The following CATSPERG variants were observed in gnomAD, a reference collection of about 807,000 sequenced individuals.
The protein encoded by CATSPERG is catsper channel auxiliary subunit gamma.
A neutral mutation model predicts 145.0 loss-of-function variants in CATSPERG; 115 were observed. That is an observed-to-expected ratio of 0.79 (90% CI 0.68 to 0.93). CATSPERG has a LOEUF of 0.93. CATSPERG is among the 40% of genes least tolerant of loss of function. The pLI, the probability that CATSPERG is intolerant of heterozygous loss-of-function variation, is 0.00. For synonymous variants in CATSPERG, 588 were observed against 589.0 expected (o/e 1.00, Z 0.02); for missense variants, 1,296 against 1,490.1 (o/e 0.87, Z 2.14).
Position 38,358,284 on chromosome 19 carries a change from A to G in CATSPERG, c.1322A>G (p.Asp441Gly). 6.2e-7 allele frequency: 1 copy of G among 1,614,158 alleles called. No homozygotes were observed. Among genetic ancestry groups the G allele is most frequent in the Non-Finnish European group, 8.5e-7 (1 of 1,180,006 alleles). The change falls in exon 12 of 29, where the codon GAT becomes GGT. Residue 441 changes from aspartate (D) to glycine (G), a missense_variant. Transcript: ENST00000409235. The part of the protein sequence containing the change: ...FQVVSYNTAS[D>G]DLELLYHIPE... ...GTGTTCTCCCCACCTGTAGCTAGTG[A>G]TGACCTGGAACTTCTCTACCACATC...
chr19:38,344,173 C>T (rs1293448362), intron 5 of CATSPERG, 54 bp downstream of exon 5: 5 of 1,549,440 alleles, frequency 3.2e-6, no homozygotes, highest in Non-Finnish European at 4.4e-6. Context: ...TTCCTCACCC[C>T]AGGGTCCCCA....
intron 3 of CATSPERG, among the ~76,000 whole-genome samples, chr19:38,342,760 C>A (rs113669289): frequency 4.5e-4 from 68 of 152,114 alleles, no homozygotes; most frequent in Admixed American, 1.2e-3. Flanking sequence ...GTGCCGCCTT[C>A]TCTCGGGGAC....
Position 38,368,063 on chromosome 19 carries a change from C to T in CATSPERG, c.2946C>T (p.Ile982=), listed in dbSNP as rs147054256. ...GCCTGCACAGGACCAACAGCCTTAT[C>T]TGGACCACGAGGACCACAAGGACCA... ...NSPLDKTNSL[I]WTTRTTRTTK... is the part of the protein sequence containing the mutation. The change falls in exon 26 of 29, where the codon ATC becomes ATT. Residue 982 remains isoleucine, a synonymous_variant. Transcript: ENST00000409235. 158 of 1,614,144 alleles carry T rather than the reference C, an allele frequency of 9.8e-5. No homozygotes were observed. In the African/African-American group the frequency reaches 1.8e-3, roughly 18 times the overall value.
chr19:38,337,176 C>T, intron 1 of CATSPERG, 45 bp from the exon 2 acceptor site: 1 of 1,538,036 alleles, frequency 6.5e-7, no homozygotes, highest in East Asian at 2.5e-5. Context: ...AAGTGGGCTC[C>T]AGAGAGCTGT....
Position 38,346,591 on chromosome 19 carries a change from T to A in CATSPERG, c.811T>A (p.Phe271Ile), listed in dbSNP as rs1272575631. The stretch of plus-strand genomic sequence containing the variant: ...GATGACTGACACCAGCTTCAAGGAC[T>A]TCTCTCTCGTGGAGGTGAACGGTGT... ...VLMTDTSFKD[F>I]SLVELSIDSC... Residue 271 changes from phenylalanine (F) to isoleucine (I), a missense_variant, in exon 7 of 29, where the codon TTC becomes ATC. Physicochemically the swap from Phe to Ile is conservative, Grantham distance 21. Transcript: ENST00000409235. The A allele has an allele frequency of 1.3e-6, 2 of 1,551,150 alleles. No homozygotes were observed. The highest frequency in any genetic ancestry group is 2.0e-5 in the Admixed American group (1 of 50,974).
chr19:38,344,131 C>G lies in CATSPERG; in HGVS notation c.596+12C>G. 6.4e-7 allele frequency: 1 copy of G among 1,551,504 alleles called. No homozygotes were observed. The highest frequency in any genetic ancestry group is 1.7e-4 in the Middle Eastern group (1 of 5,982). On this transcript the variant is annotated intron_variant, in intron 5 of 28. Transcript: ENST00000409235. Reference sequence around the variant, plus strand: ...ATTCCAGATAAAAGGTACCCTTTCCCAAGACGGGGGCTGGGGTGGACTCCG... The same window carrying G: ...ATTCCAGATAAAAGGTACCCTTTCCGAAGACGGGGGCTGGGGTGGACTCCG...
chr19:38,354,861 C>T lies in CATSPERG; in HGVS notation c.1135+14C>T, dbSNP rs147770618. On this transcript the variant is annotated intron_variant, in intron 9 of 28. Coordinates refer to ENST00000409235, the MANE Select transcript of CATSPERG (RefSeq NM_021185.5). Reference sequence around the variant, plus strand: ...GGACCATCAGAGGTAAGGGTGTGGGCCTCTGTCAGCCCCAGGGACCCCTCC... The same window carrying T: ...GGACCATCAGAGGTAAGGGTGTGGGTCTCTGTCAGCCCCAGGGACCCCTCC... 5.7e-4 allele frequency: 914 copies of T among 1,612,154 alleles called. 2 individuals carry two copies. The African/African-American group carries it at 0.011, about 19-fold the overall frequency.
At chr19:38,358,126 T>A (rs2145094864) in intron 11 of CATSPERG, 152 bp from the exon 12 acceptor site, 1 of 688,496 alleles carries the variant, frequency 1.5e-6, no homozygotes, top group Non-Finnish European at 2.5e-6. Context: ...AGGGGGGAAA[T>A]AAAAGAAAAG....
chr19:38,367,384 C>T (rs1266863969), intron 23 of CATSPERG, 72 bp downstream of exon 23: 2 of 1,570,720 alleles, frequency 1.3e-6, no homozygotes. Flanking sequence ...TCTCCCTCCC[C>T]ATTCCTCTCC....
At chr19:38,343,486 C>A in intron 3 of CATSPERG, 94 bp from the exon 4 acceptor site, 1 of 1,161,812 alleles carries the variant, frequency 8.6e-7, no homozygotes, top group Non-Finnish European at 1.2e-6. Context: ...TGCCCCCGGA[C>A]AGCCCAGGAG....
Position 38,344,007 on chromosome 19 carries a change from G to A in CATSPERG, c.484G>A (p.Glu162Lys). ...CCTCCCTGCAGAGCCATGCATGGCA[G>A]AAGAAGTGTGTAGCATGAGCTGGTA... is the stretch of plus-strand genomic sequence containing the variant. ...PFRSKEPCMA[E>K]EVCSMSWYTP... Residue 162 changes from glutamate to lysine, a missense_variant, in exon 5 of 29, where the codon GAA becomes AAA. Glu to Lys is a moderately conservative substitution (Grantham distance 56). Coordinates refer to ENST00000409235, the MANE Select transcript of CATSPERG (RefSeq NM_021185.5). 6.4e-7 allele frequency: 1 copy of A among 1,550,802 alleles called. No homozygotes were observed. The highest frequency in any genetic ancestry group is 2.4e-5 in the East Asian group (1 of 40,920).
intron 11 of CATSPERG, 161 bp from the exon 12 acceptor site, chr19:38,358,117 G>C (rs768620439): frequency 3.0e-6 from 2 of 656,382 alleles, no homozygotes; most frequent in Non-Finnish European, 5.3e-6. Context: ...TCCTGTCTCA[G>C]GGGGGAAATA....
intron 26 of CATSPERG, 29 bp downstream of exon 26, chr19:38,368,166 C>A: frequency 9.4e-6 from 15 of 1,600,644 alleles, no homozygotes; most frequent in Non-Finnish European, 1.3e-5. Flanking sequence ...CCCTCTTGGC[C>A]CCCATCTGTC....
intron 3 of CATSPERG, among the ~76,000 whole-genome samples, chr19:38,340,353 C>G (rs1261217398): frequency 6.7e-6 from 1 of 149,070 alleles, no homozygotes; most frequent in Non-Finnish European, 1.5e-5. Context: ...CAGGGTCTCA[C>G]TCTGTCACCC....
At position 38,359,487 on chromosome 19, in the gene CATSPERG, T is replaced by G; in HGVS notation, c.1514T>G (p.Phe505Cys). ...CCCTGCAGCTCTAACAAGGAAAACT[T>G]CATCTACCTGGCAGACTTCCCCAAG... is the stretch of plus-strand genomic sequence containing the variant. Reference protein sequence around the residue: ...FLLQSSNKENFIYLADFPKEL... With the variant: ...FLLQSSNKENCIYLADFPKEL... Residue 505 changes from phenylalanine to cysteine, a missense_variant, in exon 14 of 29, where the codon TTC (phenylalanine) becomes TGC (cysteine). Coordinates refer to ENST00000409235, the MANE Select transcript of CATSPERG (RefSeq NM_021185.5). The G allele has an allele frequency of 6.2e-7, 1 of 1,613,334 alleles. No individual in the cohort carries two copies. Among genetic ancestry groups the G allele is most frequent in the Non-Finnish European group, 8.5e-7 (1 of 1,179,410 alleles).
At chr19:38,349,924 C>T (rs1970108896) in intron 7 of CATSPERG, among the ~76,000 whole-genome samples, 2 of 152,126 alleles carry the variant, frequency 1.3e-5, no homozygotes, top group African/African-American at 4.8e-5. Flanking sequence ...CTTGGCCTCC[C>T]AAAGTGTTGG....
intron 3 of CATSPERG, among the ~76,000 whole-genome samples, chr19:38,343,202 G>A (rs1969967423): frequency 2.0e-5 from 3 of 152,026 alleles, no homozygotes; most frequent in Admixed American, 2.0e-4. Context: ...AATCCCTGGA[G>A]TGGAAAGCAG....
chr19:38,360,208 T>C (rs1030348616), intron 14 of CATSPERG: 3 of 984,806 alleles, frequency 3.0e-6, no homozygotes, highest in Admixed American at 6.2e-5. Flanking sequence ...GTGTGTGTGT[T>C]AGAGATGCTT....
chr19:38,359,952 G>C, intron 14 of CATSPERG: 2 of 1,046,494 alleles, frequency 1.9e-6, no homozygotes, highest in Non-Finnish European at 2.3e-6. Context: ...GGCCCCGTCT[G>C]GGGGCTTGTG....
Sources: allele counts gnomAD v4.1 joint callset (sites outside exome capture counted in the v4.1 genomes callset), GRCh38; gene constraint gnomAD v4.1.1; transcripts MANE v1.5; gene names NCBI Gene and HGNC (gene_info 2026-07-23, HGNC 2026-07-21).